RANBP17: variants seen among roughly 807,000 people sequenced by gnomAD.
RANBP17 encodes RAN binding protein 17.
A neutral mutation model predicts 141.2 loss-of-function variants in RANBP17; 158 were observed. The ratio of observed to expected loss-of-function variants is 1.12; its 90% CI spans 0.98 to 1.28. RANBP17 has a LOEUF of 1.28. Ranked by LOEUF, RANBP17 falls within the 50% of genes most tolerant of loss-of-function variation. RANBP17 has a pLI of 0.00. For missense variants in RANBP17, 1,438 were observed against 1,290.7 expected (o/e 1.11, Z -1.75); for synonymous variants, 430 against 450.0 (o/e 0.96, Z 0.56).
intron 21 of RANBP17, among the ~76,000 whole-genome samples, chr5:171,216,300 T>C (rs1254770304): frequency 6.6e-6 from 1 of 152,182 alleles, no homozygotes; most frequent in East Asian, 1.9e-4. Flanking sequence ...TTTTGGTTAC[T>C]GTAGCCTTGT....
At chr5:170,932,854 G>A (rs887237559) in intron 12 of RANBP17, among the ~76,000 whole-genome samples, 29 of 152,232 alleles carry the variant, frequency 1.9e-4, no homozygotes, top group African/African-American at 6.7e-4. Context: ...CATCAGGGAT[G>A]TTGGTCTAAA....
At chr5:171,090,257 G>A (rs1004562054) in intron 14 of RANBP17, among the ~76,000 whole-genome samples, 1 of 152,166 alleles carries the variant, frequency 6.6e-6, no homozygotes, top group African/African-American at 2.4e-5. Context: ...TGAGGAACTT[G>A]TTGGGAACTG....
intron 14 of RANBP17, among the ~76,000 whole-genome samples, chr5:170,971,107 C>G (rs548613559): frequency 1.3e-4 from 20 of 152,162 alleles, no homozygotes; most frequent in Non-Finnish European, 2.5e-4. Flanking sequence ...AATTATTCAG[C>G]AGTTATAAAT....
At chr5:171,049,522 T>A (rs547013269) in intron 14 of RANBP17, among the ~76,000 whole-genome samples, 5 of 152,354 alleles carry the variant, frequency 3.3e-5, no homozygotes, top group African/African-American at 1.2e-4. Flanking sequence ...GCTTTTGATA[T>A]CTTTGTCATG....
chr5:171,011,267 A>C (rs564233551), intron 14 of RANBP17, among the ~76,000 whole-genome samples: 1 of 152,244 alleles, frequency 6.6e-6, no homozygotes, highest in East Asian at 1.9e-4. Flanking sequence ...TTGCCATCAC[A>C]TAAGAATGTG....
At chr5:170,919,812 T>C (rs4867640) in intron 11 of RANBP17, among the ~76,000 whole-genome samples, 199 bp downstream of exon 11, 7,733 of 152,144 alleles carry the variant, frequency 0.051, 275 homozygotes, top group South Asian at 0.083. Flanking sequence ...GGCTCCTTTT[T>C]CAGTCAGCCC....
chr5:170,878,359 T>C (rs1768371298), intron 2 of RANBP17, 116 bp downstream of exon 2: 2 of 878,638 alleles, frequency 2.3e-6, no homozygotes, highest in Middle Eastern at 7.3e-4. Context: ...TTTTTTTGTT[T>C]TTGTGAAACT....
chr5:171,164,963 T>C (rs1759579597), intron 14 of RANBP17, among the ~76,000 whole-genome samples: 1 of 152,206 alleles, frequency 6.6e-6, no homozygotes, highest in African/African-American at 2.4e-5. Flanking sequence ...TTATGCTGTG[T>C]GAAAATCTTC....
chr5:171,070,131 A>G lies in RANBP17; in HGVS notation c.1711-99999A>G, dbSNP rs867983953. On this transcript the variant is annotated intron_variant, in intron 14 of 27. Coordinates refer to ENST00000523189, the MANE Select transcript of RANBP17 (RefSeq NM_022897.5). Reference sequence around the variant, plus strand: ...ATCTAACCTTTCTATAGGTCAGACTAAGCAAGTTCTATTAATTAGCCCAAA... The same window carrying G: ...ATCTAACCTTTCTATAGGTCAGACTGAGCAAGTTCTATTAATTAGCCCAAA... 2.0e-5 allele frequency among the ~76,000 whole-genome samples: 3 copies of G among 152,160 alleles called. No homozygotes were observed. In the South Asian group the frequency reaches 6.2e-4, roughly 32 times the overall value.
chr5:171,252,790 A>C, intron 24 of RANBP17: 1 of 1,242,980 alleles, frequency 8.0e-7, no homozygotes, highest in South Asian at 1.2e-5. Flanking sequence ...GGGTGTGTGC[A>C]GCCTCATTGT....
chr5:171,145,392 T>C (rs1757970845), intron 14 of RANBP17, among the ~76,000 whole-genome samples: 1 of 152,286 alleles, frequency 6.6e-6, no homozygotes, highest in African/African-American at 2.4e-5. Flanking sequence ...TAAGCAAGAT[T>C]TGTCTTTTTT....
intron 14 of RANBP17, among the ~76,000 whole-genome samples, chr5:171,123,438 G>A (rs936496809): frequency 1.3e-5 from 2 of 152,206 alleles, no homozygotes; most frequent in Non-Finnish European, 2.9e-5. Context: ...TCATTTGGGG[G>A]GTCAAGGGTT....
intron 24 of RANBP17, chr5:171,251,925 T>C: frequency 1.3e-6 from 2 of 1,596,704 alleles, no homozygotes; most frequent in African/African-American, 2.7e-5. Flanking sequence ...ATGAGCACTA[T>C]TTTGGATTAG....
intron 13 of RANBP17, among the ~76,000 whole-genome samples, chr5:170,957,072 A>AAC (rs58034888): frequency 0.036 from 5,115 of 142,902 alleles, 136 homozygotes; most frequent in East Asian, 0.075. Flanking sequence ...TCTGTCTCAA[A>AAC]ACACACACAC....
At chr5:171,117,523 G>A (rs1755721611) in intron 14 of RANBP17, among the ~76,000 whole-genome samples, 1 of 152,022 alleles carries the variant, frequency 6.6e-6, no homozygotes, top group South Asian at 2.1e-4. Context: ...TTTGGAGGAT[G>A]GAGTCTTGCT....
At chr5:170,879,840 T>TA (rs1177647536) in intron 2 of RANBP17, among the ~76,000 whole-genome samples, 1 of 152,194 alleles carries the variant, frequency 6.6e-6, no homozygotes, top group Admixed American at 6.5e-5. Context: ...AATATTCAGA[T>TA]ACTGCTTCTC....
Position 170,974,481 on chromosome 5 carries a change from T to C in RANBP17, c.1710+6104T>C, listed in dbSNP as rs74843408. Among the ~76,000 whole-genome samples, 548 of 152,288 alleles carry C rather than the reference T, an allele frequency of 3.6e-3. 2 individuals carry two copies. The highest frequency in any genetic ancestry group is 0.013 in the African/African-American group (532 of 41,576). On this transcript the variant is annotated intron_variant, in intron 14 of 27. Transcript: ENST00000523189. ...TCTAGGTGGTAGAGTTCTCATATAC[T>C]GGAGTTGGGTGCTTGCTGCTCTCCC...
chr5:171,252,497 A>G (rs909697552), intron 24 of RANBP17: 20 of 1,444,302 alleles, frequency 1.4e-5, no homozygotes, highest in African/African-American at 4.2e-5. Flanking sequence ...TGCAGTGAGT[A>G]CAAGTATTAC....
chr5:171,049,656 G>C (rs910986352), intron 14 of RANBP17, among the ~76,000 whole-genome samples: 10 of 152,112 alleles, frequency 6.6e-5, no homozygotes, highest in Admixed American at 6.5e-4. Flanking sequence ...TATGGTGAAG[G>C]CTAGGGGTCC....
Sources: allele counts gnomAD v4.1 joint callset (sites outside exome capture counted in the v4.1 genomes callset), GRCh38; gene constraint gnomAD v4.1.1; transcripts MANE v1.5; gene names NCBI Gene and HGNC (gene_info 2026-07-23, HGNC 2026-07-21).